The following KCNH7 variants were observed in gnomAD, a reference collection of about 807,000 sequenced individuals.
The protein encoded by KCNH7 is potassium voltage-gated channel subfamily H member 7.
In KCNH7, 49 loss-of-function variants were observed where a neutral mutation model predicts 120.8. The ratio of observed to expected loss-of-function variants is 0.41; its 90% CI spans 0.32 to 0.51. The LOEUF (loss-of-function observed/expected upper bound fraction) is 0.51, where lower values mean the gene tolerates loss of function less well. Among genes scored for constraint, KCNH7 ranks in the 20% least tolerant of loss-of-function variants. The pLI is 0.38. For synonymous variants in KCNH7, 547 were observed against 516.1 expected (o/e 1.06, Z -0.81); for missense variants, 1,097 against 1,446.6 (o/e 0.76, Z 3.92).
intron 2 of KCNH7, among the ~76,000 whole-genome samples, chr2:162,604,963 T>A (rs1472915207): frequency 6.6e-6 from 1 of 152,170 alleles, no homozygotes; most frequent in Non-Finnish European, 1.5e-5. Context: ...GTATTTCATC[T>A]ACTTGTATTC....
rs974965529 is a variant in KCNH7, at chr2:162,675,681, T to G, written c.308-138601A>C. On this transcript the variant is annotated intron_variant, in intron 2 of 15. Coordinates refer to ENST00000332142, the MANE Select transcript of KCNH7 (RefSeq NM_033272.4). ...TCAAAGCCATTCAAATGTAACCATA[T>G]GGTTTACTGATATCTTATTACTTTT... Among the ~76,000 whole-genome samples, 4 of 151,500 alleles carry G rather than the reference T, an allele frequency of 2.6e-5. No individual in the cohort carries two copies. The East Asian group carries it at 7.7e-4, about 29-fold the overall frequency.
intron 2 of KCNH7, among the ~76,000 whole-genome samples, chr2:162,829,852 T>G (rs1422141251): frequency 6.6e-6 from 1 of 151,354 alleles, no homozygotes; most frequent in African/African-American, 2.4e-5. Context: ...TTTATCTGTT[T>G]TTTTTTTTTT....
intron 2 of KCNH7, among the ~76,000 whole-genome samples, chr2:162,826,825 T>A (rs2105606539): frequency 6.6e-6 from 1 of 152,168 alleles, no homozygotes; most frequent in East Asian, 1.9e-4. Flanking sequence ...TAGAAACAAA[T>A]TACTACAACA....
At chr2:162,625,582 CA>C (rs1315163522) in intron 2 of KCNH7, among the ~76,000 whole-genome samples, 3 of 152,022 alleles carry the variant, frequency 2.0e-5, no homozygotes, top group African/African-American at 7.2e-5. Context: ...GTAGTTATTG[CA>C]AGATTTAAAA....
Position 162,423,602 on chromosome 2 carries a change from A to G in KCNH7, c.1955-67T>C. 7 of 1,381,224 alleles carry G rather than the reference A, an allele frequency of 5.1e-6. No individual in the cohort carries two copies. In the East Asian group the frequency reaches 1.2e-4, roughly 23 times the overall value. 85.6% of individuals were successfully genotyped at this position (1,381,224 alleles called of 1,614,324 possible). On this transcript the variant is annotated intron_variant, in intron 8 of 15. Transcript: ENST00000332142. ...TAGGTGTGTTATATATTGTTAGAGT[A>G]TCAAGCATGTGGATTTTGATTATCT...
At chr2:162,837,350 T>G (rs951727108) in intron 1 of KCNH7, among the ~76,000 whole-genome samples, 2 of 152,190 alleles carry the variant, frequency 1.3e-5, no homozygotes, top group Non-Finnish European at 2.9e-5. Context: ...CACATTTTCA[T>G]AATATATATT....
chr2:162,732,279 T>G (rs569196424), intron 2 of KCNH7, among the ~76,000 whole-genome samples: 14 of 152,140 alleles, frequency 9.2e-5, no homozygotes, highest in African/African-American at 3.4e-4. Context: ...CAGCCTCTGA[T>G]GCAGACTGTG....
intron 7 of KCNH7, among the ~76,000 whole-genome samples, chr2:162,441,999 CTTTTTTTTTTTTTT>C (rs779418084): frequency 2.2e-3 from 93 of 41,568 alleles, no homozygotes; most frequent in East Asian, 0.017. Context: ...GTTAGGTCTT[CTTTTTTTTTTTTTT>C]TTTTTTTTTT....
At chr2:162,582,472 C>T (rs931268889) in intron 2 of KCNH7, among the ~76,000 whole-genome samples, 1 of 152,064 alleles carries the variant, frequency 6.6e-6, no homozygotes, top group Non-Finnish European at 1.5e-5. Flanking sequence ...TTCCATGACT[C>T]GGTTGAGACT....
intron 2 of KCNH7, among the ~76,000 whole-genome samples, chr2:162,710,624 T>C (rs546434133): frequency 1.3e-5 from 2 of 152,132 alleles, no homozygotes; most frequent in South Asian, 2.1e-4. Context: ...TCGGGGAAAG[T>C]TGTATGCATG....
chr2:162,623,777 C>A (rs953500326), intron 2 of KCNH7, among the ~76,000 whole-genome samples: 4 of 152,092 alleles, frequency 2.6e-5, no homozygotes, highest in Non-Finnish European at 4.4e-5. Context: ...AGTGAATGCG[C>A]CTGGTACACA....
At chr2:162,673,727 TTTG>T (rs1201424234) in intron 2 of KCNH7, among the ~76,000 whole-genome samples, 1 of 152,066 alleles carries the variant, frequency 6.6e-6, no homozygotes, top group Non-Finnish European at 1.5e-5. Context: ...AATGAGTGTT[TTTG>T]TTGGAAGCCA....
At chr2:162,470,788 T>C (rs1330187455) in intron 6 of KCNH7, among the ~76,000 whole-genome samples, 3 of 152,008 alleles carry the variant, frequency 2.0e-5, no homozygotes, top group Non-Finnish European at 2.9e-5. Context: ...ACAATGGTGG[T>C]TTTGTGGAAT....
chr2:162,574,580 T>C (rs1313359207), intron 2 of KCNH7, among the ~76,000 whole-genome samples: 1 of 152,080 alleles, frequency 6.6e-6, no homozygotes, highest in Non-Finnish European at 1.5e-5. Context: ...AGTTTTTGGG[T>C]TTTCATGTAA....
chr2:162,382,264 T>C (rs989692669), intron 13 of KCNH7, among the ~76,000 whole-genome samples: 4 of 152,214 alleles, frequency 2.6e-5, no homozygotes, highest in Admixed American at 6.5e-5. Context: ...TGTATACTCT[T>C]AGAGGCTTCC....
chr2:162,510,215 G>C (rs1691023501), intron 5 of KCNH7, among the ~76,000 whole-genome samples: 1 of 151,528 alleles, frequency 6.6e-6, no homozygotes, highest in Non-Finnish European at 1.5e-5. Context: ...TTAGCTTAAG[G>C]AATCATAATG....
chr2:162,493,346 T>A (rs1339334525), intron 6 of KCNH7, among the ~76,000 whole-genome samples: 1 of 152,176 alleles, frequency 6.6e-6, no homozygotes, highest in Non-Finnish European at 1.5e-5. Context: ...AGCACTTAGA[T>A]CAAATATTTT....
Sources: gnomAD v4.1 joint callset for allele counts (sites outside exome capture counted in the v4.1 genomes callset) on GRCh38, gnomAD v4.1.1 for gene constraint, MANE v1.5 for transcripts, NCBI Gene and HGNC (gene_info 2026-07-23, HGNC 2026-07-21) for gene names.